Variants in FLNB observed in about 807,000 individuals in gnomAD.
FLNB encodes the protein filamin B, also known as filamin-B.
In FLNB, 111 loss-of-function variants were observed where a neutral mutation model predicts 250.6. The ratio of observed to expected loss-of-function variants is 0.44; its 90% confidence interval spans 0.38 to 0.52. FLNB has a LOEUF of 0.52. Among genes scored for constraint, FLNB ranks in the 20% least tolerant of loss-of-function variants. FLNB has a pLI of 0.00. For synonymous variants in FLNB, 1,302 were observed against 1,372.1 expected (o/e 0.95, Z 1.13); for missense variants, 2,869 against 3,447.8 (o/e 0.83, Z 4.20).
rs1230848798 is a variant in FLNB at position 58,138,392 on chromosome 3, A to G, written c.4972A>G (p.Thr1658Ala). The G allele has an allele frequency of 1.9e-6, 3 of 1,614,136 alleles. No homozygotes were observed. The highest frequency in any genetic ancestry group is 2.7e-5 in the African/African-American group (2 of 74,952). ...CTGCACGGTTCTGACCCCAGATGGC[A>G]CTGAGGCCGAGGCCGATGTCATTGA... is the stretch of plus-strand genomic sequence containing the variant. ...VTCTVLTPDG[T>A]EAEADVIENE... The change falls in exon 29 of 46, where the codon ACT becomes GCT. Residue 1658 changes from threonine to alanine, a missense_variant. Thr to Ala is a moderately conservative substitution (Grantham distance 58, BLOSUM62 0). Coordinates refer to ENST00000295956, the MANE Select transcript of FLNB (RefSeq NM_001457.4).
At chr3:58,054,371 A>G (rs1194052979) in intron 1 of FLNB, among the ~76,000 whole-genome samples, 7 of 152,196 alleles carry the variant, frequency 4.6e-5, no homozygotes, top group East Asian at 1.9e-4. Context: ...AAACATTTCC[A>G]TCGTTGCAGA....
chr3:58,135,789 G>C (rs1306612699), intron 27 of FLNB, among the ~76,000 whole-genome samples, 190 bp from the exon 28 acceptor site: 1 of 152,206 alleles, frequency 6.6e-6, no homozygotes, highest in African/African-American at 2.4e-5. Context: ...GGCCATGTCT[G>C]TCATGGTGTT....
intron 41 of FLNB, among the ~76,000 whole-genome samples, chr3:58,156,745 G>A (rs1202862348): frequency 1.3e-5 from 2 of 152,192 alleles, no homozygotes; most frequent in African/African-American, 4.8e-5. Context: ...CACCCAGGCT[G>A]GAGTGCAGTG....
Position 58,155,761 on chromosome 3 carries a change from C to T in FLNB, c.6773-199C>T, listed in dbSNP as rs75907585. Among the ~76,000 whole-genome samples the T allele has an allele frequency of 0.028, 4,190 of 152,180 alleles. 200 individuals are homozygous for T. Among genetic ancestry groups the T allele is most frequent in the African/African-American group, 0.095 (3,951 of 41,484 alleles). ...GGCCATTTGGGGACCCTGTGAGCCC[C>T]GGTTAAGAGTCCCTGGCCTTACCCC... On this transcript the variant is annotated intron_variant, in intron 40 of 45. Coordinates refer to ENST00000295956, the MANE Select transcript of FLNB (RefSeq NM_001457.4).
chr3:58,065,667 T>C (rs1401205498), intron 1 of FLNB, among the ~76,000 whole-genome samples: 1 of 152,202 alleles, frequency 6.6e-6, no homozygotes, highest in Middle Eastern at 3.4e-3. Flanking sequence ...GGAGAAGAGA[T>C]GTTTAGGAGT....
rs955656823 is a variant in FLNB at position 58,078,709 on chromosome 3, G to T, written c.542-8G>T. On this transcript the variant is annotated splice_polypyrimidine_tract_variant and splice_region_variant and intron_variant, in intron 2 of 45. Transcript: ENST00000295956. Reference sequence around the variant, plus strand: ...ATGCTAAAAGAATCTTTTGTGTTCTGTTAACAGGTCTGTGCCCAGACTGGG... The same window carrying T: ...ATGCTAAAAGAATCTTTTGTGTTCTTTTAACAGGTCTGTGCCCAGACTGGG... The T allele has an allele frequency of 1.2e-6, 2 of 1,611,058 alleles. No individual in the cohort carries two copies. Among genetic ancestry groups the T allele is most frequent in the Non-Finnish European group, 8.5e-7 (1 of 1,177,856 alleles).
intron 1 of FLNB, among the ~76,000 whole-genome samples, chr3:58,045,091 T>C (rs930464528): frequency 2.6e-5 from 4 of 152,154 alleles, no homozygotes; most frequent in Admixed American, 1.3e-4. Context: ...ATGTGCCCCC[T>C]CACCATCCTG....
At chr3:58,152,113 C>T (rs1449651613) in intron 38 of FLNB, among the ~76,000 whole-genome samples, 1 of 152,212 alleles carries the variant, frequency 6.6e-6, no homozygotes, top group African/African-American at 2.4e-5. Flanking sequence ...TACCCTTTCT[C>T]TTAAGTCTCT....
intron 38 of FLNB, among the ~76,000 whole-genome samples, chr3:58,151,957 C>T (rs1481645179): frequency 6.6e-6 from 1 of 152,246 alleles, no homozygotes; most frequent in East Asian, 1.9e-4. Flanking sequence ...AAAAACATGG[C>T]ATTCAGTGTT....
At chr3:58,074,899 G>C (rs979037593) in intron 1 of FLNB, among the ~76,000 whole-genome samples, 2 of 152,122 alleles carry the variant, frequency 1.3e-5, no homozygotes, top group East Asian at 3.9e-4. Flanking sequence ...GTTTTTTCCA[G>C]GTTAGATGAT....
intron 1 of FLNB, among the ~76,000 whole-genome samples, chr3:58,051,518 TC>T (rs2097162413): frequency 6.6e-6 from 1 of 152,174 alleles, no homozygotes; most frequent in Admixed American, 6.5e-5. Context: ...TAAAGGGTCG[TC>T]GTCTTGAGTA....
chr3:58,158,205 C>A (rs1242783258), intron 41 of FLNB, among the ~76,000 whole-genome samples: 1 of 152,138 alleles, frequency 6.6e-6, no homozygotes, highest in Non-Finnish European at 1.5e-5. Flanking sequence ...GCAGCACAGT[C>A]CAATAGTAGG....
intron 42 of FLNB, 140 bp downstream of exon 42, chr3:58,159,826 T>C: frequency 1.1e-6 from 1 of 912,520 alleles, no homozygotes; most frequent in Admixed American, 2.0e-5. Context: ...TTGCCAGATA[T>C]TGTTTATAAA....
At chr3:58,097,776 G>A (rs1476801660) in intron 6 of FLNB, 39 bp from the exon 7 acceptor site, 1 of 1,598,520 alleles carries the variant, frequency 6.3e-7, no homozygotes, top group Non-Finnish European at 8.6e-7. Context: ...TGGGCACAGA[G>A]AAGTGATTAT....
chr3:58,023,134 T>C (rs2097116788), intron 1 of FLNB, among the ~76,000 whole-genome samples: 1 of 123,156 alleles, frequency 8.1e-6, no homozygotes, highest in Non-Finnish European at 1.7e-5. Context: ...TTTTTTGAAA[T>C]GATGTCTCCT....
At chr3:58,116,536 T>C (rs763335961) in intron 18 of FLNB, among the ~76,000 whole-genome samples, 20 of 152,308 alleles carry the variant, frequency 1.3e-4, no homozygotes, top group Non-Finnish European at 2.1e-4. Context: ...GAGTGACAGC[T>C]TGCAGGTGCT....
intron 42 of FLNB, among the ~76,000 whole-genome samples, chr3:58,161,652 G>T (rs192795476): frequency 7.5e-4 from 115 of 152,320 alleles, no homozygotes; most frequent in African/African-American, 2.7e-3. Flanking sequence ...TAACTAGAAA[G>T]TTCAAGACAT....
chr3:58,071,807 G>A (rs1374541940), intron 1 of FLNB, among the ~76,000 whole-genome samples: 2 of 152,160 alleles, frequency 1.3e-5, no homozygotes, highest in African/African-American at 4.8e-5. Flanking sequence ...TTTGGTGCAG[G>A]AATGTAGTAG....
Position 58,121,380 on chromosome 3 carries a change from C to G in FLNB, c.3003C>G (p.Asn1001Lys). Residue 1001 changes from asparagine to lysine, a missense_variant, in exon 20 of 46, where the codon AAC becomes AAG. Asn to Lys is a moderately conservative substitution (Grantham distance 94, BLOSUM62 0). Coordinates refer to ENST00000295956, the MANE Select transcript of FLNB (RefSeq NM_001457.4). ...CLVTPVTGRE[N>K]STAKFIPREE... Reference sequence around the variant, plus strand: ...TGACACCTGTGACAGGCCGGGAGAACAGCACGGCCAAGTTCATCCCTCGGG... The same window carrying G: ...TGACACCTGTGACAGGCCGGGAGAAGAGCACGGCCAAGTTCATCCCTCGGG... 1.2e-6 allele frequency: 2 copies of G among 1,614,172 alleles called. No individual in the cohort carries two copies. The highest frequency in any genetic ancestry group is 1.7e-6 in the Non-Finnish European group (2 of 1,180,040).
Sources: gnomAD v4.1 joint callset for allele counts (sites outside exome capture counted in the v4.1 genomes callset) on GRCh38, gnomAD v4.1.1 for gene constraint, MANE v1.5 for transcripts, NCBI Gene and HGNC (gene_info 2026-07-23, HGNC 2026-07-21) for gene names.